Variants in SCN4A observed in about 807,000 individuals in gnomAD.
The protein encoded by SCN4A is sodium channel protein type 4 subunit alpha.
SCN4A carries 83 observed loss-of-function variants against 162.0 expected under a neutral mutation model. The observed-to-expected ratio is 0.51, with a 90% CI of 0.43 to 0.61. The LOEUF (loss-of-function observed/expected upper bound fraction) is 0.61, where lower values mean the gene tolerates loss of function less well. Among genes scored for constraint, SCN4A ranks in the 20% least tolerant of loss-of-function variants. SCN4A has a pLI of 0.00. For synonymous variants in SCN4A, 944 were observed against 985.1 expected, an observed-to-expected ratio of 0.96 and a Z score of 0.78; for missense variants, 2,196 against 2,462.5, an observed-to-expected ratio of 0.89 and a Z score of 2.29.
At chr17:63,964,412 C>G in intron 9 of SCN4A, 56 bp downstream of exon 9, 1 of 1,535,420 alleles carries the variant, frequency 6.5e-7, no homozygotes, top group Non-Finnish European at 9.0e-7. Flanking sequence ...AGTGGCAGCC[C>G]CGGCTGAGGG....
Position 63,944,830 on chromosome 17 carries a change from G to C in SCN4A, c.3775-20C>G. Reference sequence around the variant, plus strand: ...CTCCTTCTGTGGGAGCCACAGGGTGGGACGGCGTGGGTTTGCACGCTGGCT... The same window carrying C: ...CTCCTTCTGTGGGAGCCACAGGGTGCGACGGCGTGGGTTTGCACGCTGGCT... On this transcript the variant is annotated intron_variant, in intron 20 of 23. Transcript: ENST00000435607. This position sits in a 1 kb window ranked among gnomAD's most constrained non-coding sequence, Gnocchi z 4.3. 3.7e-6 allele frequency: 6 copies of C among 1,612,054 alleles called. No individual in the cohort carries two copies. The highest frequency in any genetic ancestry group is 4.2e-6 in the Non-Finnish European group (5 of 1,178,826).
In SCN4A at chr17:63,942,819, C is replaced by G. The variant is rs773803283; in HGVS notation, c.4288+7G>C. The G allele has an allele frequency of 5.6e-6, 9 of 1,611,830 alleles. 1 individual carries two copies. The highest frequency in any genetic ancestry group is 5.0e-5 in the Admixed American group (3 of 59,934). ...GCTGCCCTGCCGGTCCAGCCCGCCC[C>G]GCTCACCCACAATGGACAGGATGAC... On this transcript the variant is annotated splice_region_variant and intron_variant, in intron 23 of 23. Transcript: ENST00000435607.
Position 63,957,349 on chromosome 17 carries a change from A to G in SCN4A, c.2189T>C (p.Val730Ala). 6.2e-7 allele frequency: 1 copy of G among 1,614,092 alleles called. No individual in the cohort carries two copies. The highest frequency in any genetic ancestry group is 1.3e-5 in the African/African-American group (1 of 75,044). Residue 730 changes from valine to alanine, a missense_variant, in exon 13 of 24, where the codon GTG (valine) becomes GCG (alanine). Transcript: ENST00000435607. ...GTTGCAGTCCAAGGCAATCTTGCAC[A>G]CGCACTCCTTGTAGCTCTTGCCAAA... ...QLFGKSYKEC[V>A]CKIALDCNLP...
chr17:63,953,437 C>T (rs373552113), intron 13 of SCN4A, among the ~76,000 whole-genome samples: 8 of 151,998 alleles, frequency 5.3e-5, no homozygotes, highest in Admixed American at 1.3e-4. Context: ...AGGCACTCAA[C>T]GCATGTTGGC....
intron 13 of SCN4A, among the ~76,000 whole-genome samples, chr17:63,955,371 C>T (rs937980267): frequency 4.5e-4 from 68 of 152,348 alleles, no homozygotes; most frequent in African/African-American, 1.6e-3. Context: ...ACTGCCCTGC[C>T]GCACGCCTGC....
At chr17:63,949,611 C>A in intron 14 of SCN4A, 83 bp from the exon 15 acceptor site, 1 of 1,443,458 alleles carries the variant, frequency 6.9e-7, no homozygotes. Context: ...GGATGGGAGA[C>A]CAGAAGGGAA....
chr17:63,966,083 AGGGTGGGGGCAG>A lies in SCN4A; in HGVS notation c.1242+7_1242+18del, dbSNP rs1909434763. ...GGGAGTGGCTGTAGGGTTGGGGGGC[AGGGTGGGGGCAG>A]CTGTACCAGCTGGAAGAGGTTCTCC... On this transcript the variant is annotated splice_region_variant and intron_variant, in intron 8 of 23. Coordinates refer to ENST00000435607, the MANE Select transcript of SCN4A (RefSeq NM_000334.4). The A allele has an allele frequency of 3.6e-6, 5 of 1,374,616 alleles. No individual in the cohort carries two copies. The highest frequency in any genetic ancestry group is 4.8e-6 in the Non-Finnish European group (5 of 1,031,772). The allele number at this position is 1,374,616 out of a possible 1,614,324, so 85.2% of individuals were successfully genotyped here.
intron 12 of SCN4A, among the ~76,000 whole-genome samples, chr17:63,958,685 TG>T (rs1394634105): frequency 6.6e-6 from 1 of 152,180 alleles, no homozygotes; most frequent in Non-Finnish European, 1.5e-5. Flanking sequence ...CCCAAGTAGC[TG>T]GGATTACAGG....
Position 63,940,997 on chromosome 17 carries a change from C to G in SCN4A, c.5285G>C (p.Gly1762Ala). The stretch of plus-strand genomic sequence containing the variant: ...CCCCTCCTTCTCAGGGGCGTCATCC[C>G]CGCTGCCGTCGTGGCTGTGGCGGTA... Reference protein sequence around the residue: ...YMYRHSHDGSGDDAPEKEGLL... With the variant: ...YMYRHSHDGSADDAPEKEGLL... The change falls in exon 24 of 24, where the codon GGG (glycine) becomes GCG (alanine). Residue 1762 changes from glycine to alanine, a missense_variant. By Grantham distance (60) the Gly-to-Ala change is moderately conservative. Coordinates refer to ENST00000435607, the MANE Select transcript of SCN4A (RefSeq NM_000334.4). 1 of 1,613,218 alleles carries G rather than the reference C, an allele frequency of 6.2e-7. No individual in the cohort carries two copies. Among genetic ancestry groups the G allele is most frequent in the Non-Finnish European group, 8.5e-7 (1 of 1,179,220 alleles).
Position 63,971,854 on chromosome 17 carries a change from G to C in SCN4A, c.483-4C>G, listed in dbSNP as rs200062384. On this transcript the variant is annotated splice_polypyrimidine_tract_variant and splice_region_variant and intron_variant, in intron 3 of 23. Coordinates refer to ENST00000435607, the MANE Select transcript of SCN4A (RefSeq NM_000334.4). The stretch of plus-strand genomic sequence containing the variant: ...GTAGATCCCTGTGAAGGTGTACCTG[G>C]GGGGGAGAGGGCCGGCCGGGACAGG... The C allele has an allele frequency of 3.4e-5, 52 of 1,525,044 alleles. No homozygotes were observed. The highest frequency in any genetic ancestry group is 1.4e-4 in the African/African-American group (9 of 63,386). The allele number at this position is 1,525,044 out of a possible 1,614,324, so 94.5% of individuals were successfully genotyped here. A position where few individuals can be genotyped will look rare whatever the true frequency, so the allele number is the denominator to read the frequency against.
intron 9 of SCN4A, among the ~76,000 whole-genome samples, chr17:63,964,079 G>C (rs1909356506): frequency 6.6e-6 from 1 of 152,278 alleles, no homozygotes; most frequent in Non-Finnish European, 1.5e-5. Context: ...TCCACTTGTT[G>C]ACAGAATGAG....
chr17:63,967,922 A>G, intron 6 of SCN4A, 101 bp downstream of exon 6: 1 of 994,378 alleles, frequency 1.0e-6, no homozygotes, highest in Non-Finnish European at 1.5e-6. Context: ...GACAAGAGTG[A>G]GACTCCATCT....
chr17:63,967,892 C>A (rs1191843534), intron 6 of SCN4A, 131 bp downstream of exon 6: 5 of 790,602 alleles, frequency 6.3e-6, no homozygotes, highest in Middle Eastern at 3.0e-4. Flanking sequence ...GAGATGGCAC[C>A]TTTGCACTCC....
rs752706137 is a variant in SCN4A at position 63,951,690 on chromosome 17, C to T, written c.2587G>A (p.Gly863Arg). 8 of 1,602,070 alleles carry T rather than the reference C, an allele frequency of 5.0e-6. No individual in the cohort carries two copies. Among genetic ancestry groups the T allele is most frequent in the Admixed American group, 3.5e-5 (2 of 57,850 alleles). The change falls in exon 14 of 24, where the codon GGG becomes AGG. Residue 863 changes from glycine to arginine, a missense_variant. Coordinates refer to ENST00000435607, the MANE Select transcript of SCN4A (RefSeq NM_000334.4). The surrounding 1 kb of genome is among the most constrained non-coding windows in gnomAD (Gnocchi z 4.5). ...DIMLSLGEAD[G>R]AGEAGEAGET... The stretch of plus-strand genomic sequence containing the variant: ...CCCGCCTCTCCAGCCTCCCCGGCCC[C>T]GTCAGCCTCCCCGAGGCTGAGCATG...
At chr17:63,956,982 G>A (rs940591275) in intron 13 of SCN4A, among the ~76,000 whole-genome samples, 180 bp downstream of exon 13, 13 of 152,240 alleles carry the variant, frequency 8.5e-5, no homozygotes, top group African/African-American at 2.9e-4. Flanking sequence ...GGGGATCTAT[G>A]TTTTAAGTAA....
chr17:63,968,320 C>T lies in SCN4A; in HGVS notation c.739G>A (p.Val247Met), dbSNP rs755321637. The T allele has an allele frequency of 6.2e-7, 1 of 1,608,316 alleles. No homozygotes were observed. The highest frequency in any genetic ancestry group is 8.5e-7 in the Non-Finnish European group (1 of 1,175,510). Residue 247 changes from valine to methionine, a missense_variant, in exon 6 of 24, where the codon GTG becomes ATG. Transcript: ENST00000435607. ...KTIVGALIQS[V>M]KKLSDVMILT... is the part of the protein sequence containing the mutation. ...ATCATCACATCCGACAGCTTTTTCA[C>T]CGACTGGATCAGGGCCCCCACGATC...
At position 63,951,049 on chromosome 17, in the gene SCN4A, C is replaced by T. The variant is rs186783751; in HGVS notation, c.2853+375G>A. Among the ~76,000 whole-genome samples, 857 of 152,304 alleles carry T rather than the reference C, an allele frequency of 5.6e-3. 2 individuals carry two copies. Among genetic ancestry groups the T allele is most frequent in the Non-Finnish European group, 8.7e-3 (591 of 68,010 alleles). ...GAGGACTGGGCAAGGGGCCTCAAACCCAGAGGAGAATATGTAAGAGAGGCC... is the reference window on the plus strand; with the variant it reads ...GAGGACTGGGCAAGGGGCCTCAAACTCAGAGGAGAATATGTAAGAGAGGCC... On this transcript the variant is annotated intron_variant, in intron 14 of 23. Transcript: ENST00000435607. This position sits in a 1 kb window ranked among gnomAD's most constrained non-coding sequence, Gnocchi z 4.5.
rs532921435 is a variant in SCN4A, at chr17:63,964,638, C to A, written c.1282G>T (p.Val428Leu). Reference sequence around the variant, plus strand: ...AAAGAGCCCAGGAAGATGATGACCACGAAGAAGATCATGTAGGTCTTGCCA... The same window carrying A: ...AAAGAGCCCAGGAAGATGATGACCAAGAAGAAGATCATGTAGGTCTTGCCA... ...AAGKTYMIFF[V>L]VIIFLGSFYL... The change falls in exon 9 of 24, where the codon GTG becomes TTG. Residue 428 changes from valine (V) to leucine (L), a missense_variant. Coordinates refer to ENST00000435607, the MANE Select transcript of SCN4A (RefSeq NM_000334.4). The A allele has an allele frequency of 1.3e-5, 21 of 1,611,998 alleles. No homozygotes were observed. The East Asian group carries it at 4.5e-4, about 34-fold the overall frequency.
chr17:63,949,371 A>C (rs1286958269), intron 15 of SCN4A, 22 bp downstream of exon 15: 1 of 1,555,766 alleles, frequency 6.4e-7, no homozygotes, highest in Non-Finnish European at 8.7e-7. Context: ...AGACACCCAG[A>C]TGAGGTGAGG....
Sources: gnomAD v4.1 joint callset for allele counts (sites outside exome capture counted in the v4.1 genomes callset) on GRCh38, gnomAD v4.1.1 for gene constraint, Gnocchi (gnomAD v3.1) non-coding constraint, MANE v1.5 for transcripts, NCBI Gene and HGNC (gene_info 2026-07-23, HGNC 2026-07-21) for gene names.